The following CERKL variants were observed in gnomAD, a reference collection of about 807,000 sequenced individuals.
CERKL encodes ceramide kinase-like protein.
CERKL carries 61 observed loss-of-function variants against 63.4 expected under a neutral mutation model. The observed-to-expected ratio is 0.96, with a 90% CI of 0.78 to 1.19. The LOEUF is 1.19. Ranked by LOEUF, CERKL falls within the 50% of genes most tolerant of loss-of-function variation. The pLI is 0.00. For missense variants in CERKL, 675 were observed against 655.5 expected (o/e 1.03, Z -0.33); for synonymous variants, 250 against 230.5 (o/e 1.08, Z -0.77).
chr2:181,608,288 T>C (rs563301872), intron 1 of CERKL, among the ~76,000 whole-genome samples: 5 of 152,236 alleles, frequency 3.3e-5, no homozygotes, highest in African/African-American at 7.2e-5. Context: ...AGTCCCTTAT[T>C]ATATAGGTTG....
At chr2:181,608,511 G>C (rs1685817955) in intron 1 of CERKL, among the ~76,000 whole-genome samples, 1 of 152,100 alleles carries the variant, frequency 6.6e-6, no homozygotes, top group Admixed American at 6.5e-5. Context: ...ACTTTTCATT[G>C]AAGTCCTGTA....
At position 181,536,978 on chromosome 2, in the gene CERKL, A is replaced by C. The variant is rs1176412295; in HGVS notation, c.*1206T>G. ...CACTAGCCAGCCATCCTAATTGATG[A>C]AAGTTATCTGTTCACAGGCCTGCAG... On this transcript the variant is annotated 3_prime_UTR_variant, in exon 13 of 13. Coordinates refer to ENST00000410087, the MANE Select transcript of CERKL (RefSeq NM_201548.5). The C allele has an allele frequency of 2.2e-6, 1 of 452,342 alleles. No homozygotes were observed. Among genetic ancestry groups the C allele is most frequent in the East Asian group, 6.9e-5 (1 of 14,392 alleles). 28.0% of individuals were successfully genotyped at this position (452,342 alleles called of 1,614,324 possible). A position where few individuals can be genotyped will look rare whatever the true frequency, so the allele number is the denominator to read the frequency against.
chr2:181,561,926 G>C (rs542759048), intron 4 of CERKL, among the ~76,000 whole-genome samples: 2 of 152,166 alleles, frequency 1.3e-5, no homozygotes, highest in Admixed American at 6.5e-5. Flanking sequence ...TGATTCTCCT[G>C]CTTCAGCCTC....
At chr2:181,565,589 G>A in intron 4 of CERKL, 1 of 1,069,008 alleles carries the variant, frequency 9.4e-7, no homozygotes, top group Non-Finnish European at 1.4e-6. Flanking sequence ...TGGAAATAAT[G>A]TATTTATTTA....
At chr2:181,552,096 A>G (rs1206590837) in intron 5 of CERKL, among the ~76,000 whole-genome samples, 1 of 152,182 alleles carries the variant, frequency 6.6e-6, no homozygotes, top group Non-Finnish European at 1.5e-5. Context: ...TAGAATCTGA[A>G]AAACTTAAAC....
intron 1 of CERKL, among the ~76,000 whole-genome samples, chr2:181,604,665 G>GA (rs1685603942): frequency 1.3e-5 from 2 of 152,082 alleles, no homozygotes; most frequent in African/African-American, 4.8e-5. Context: ...TAAAGTAACA[G>GA]AAAAAATAGA....
chr2:181,603,436 A>AAGTCAG (rs1685538640), intron 2 of CERKL, among the ~76,000 whole-genome samples: 1 of 152,190 alleles, frequency 6.6e-6, no homozygotes, highest in Admixed American at 6.5e-5. Context: ...CCTGATGCCA[A>AAGTCAG]AGTCAGACAA....
intron 11 of CERKL, 102 bp from the exon 12 acceptor site, chr2:181,539,366 A>G (rs1687383557): frequency 1.3e-6 from 1 of 754,098 alleles, no homozygotes; most frequent in African/African-American, 1.8e-5. Context: ...ATCAGCATGT[A>G]TGCTGACATT....
At chr2:181,618,843 G>A (rs1205342817) in intron 1 of CERKL, among the ~76,000 whole-genome samples, 2 of 152,068 alleles carry the variant, frequency 1.3e-5, no homozygotes, top group East Asian at 3.8e-4. Context: ...AGGGTTCCAA[G>A]ACCAAAAAGC....
intron 1 of CERKL, among the ~76,000 whole-genome samples, chr2:181,616,761 G>C (rs1023717491): frequency 2.0e-5 from 3 of 151,970 alleles, no homozygotes; most frequent in Non-Finnish European, 2.9e-5. Context: ...AAATATCCTG[G>C]CTAGTTCTTA....
At chr2:181,653,565 G>A (rs1688024558) in intron 1 of CERKL, among the ~76,000 whole-genome samples, 1 of 152,158 alleles carries the variant, frequency 6.6e-6, no homozygotes, top group Non-Finnish European at 1.5e-5. Flanking sequence ...TGGAATACTA[G>A]TCAGCCATTA....
intron 1 of CERKL, 31 bp downstream of exon 1, chr2:181,656,738 G>A (rs1184087916): frequency 3.2e-6 from 5 of 1,544,346 alleles, no homozygotes; most frequent in East Asian, 2.4e-5. Context: ...AGCGCGGAGG[G>A]AGGCGAAGAC....
intron 1 of CERKL, among the ~76,000 whole-genome samples, chr2:181,651,556 C>T (rs966649834): frequency 2.6e-5 from 4 of 152,126 alleles, no homozygotes; most frequent in Admixed American, 2.0e-4. Flanking sequence ...CCACAGCTAA[C>T]ATCATACTGA....
intron 4 of CERKL, 93 bp downstream of exon 4, chr2:181,565,965 T>C: frequency 1.2e-6 from 1 of 843,684 alleles, no homozygotes; most frequent in Non-Finnish European, 2.0e-6. Context: ...TACAAATATT[T>C]TTAAATGTTA....
chr2:181,554,967 C>T (rs988000230), intron 5 of CERKL, among the ~76,000 whole-genome samples: 2 of 152,172 alleles, frequency 1.3e-5, no homozygotes, highest in Admixed American at 6.6e-5. Context: ...ATTTTGGCAG[C>T]ATACTGTGTC....
chr2:181,656,875 C>T lies in CERKL; in HGVS notation c.132G>A (p.Glu44=), dbSNP rs727503857. ...CGAAGATGCCCCGGAGCAGAATCCG[C>T]TCGGCCGCCGCCTCCGTCTGCTGCG... ...TSPQQTEAAA[E]RILLRGIFEI... The change falls in exon 1 of 13, where the codon GAG becomes GAA. Residue 44 remains glutamate (E), a synonymous_variant. Coordinates refer to ENST00000410087, the MANE Select transcript of CERKL (RefSeq NM_201548.5). 3.7e-6 allele frequency: 6 copies of T among 1,605,702 alleles called. No homozygotes were observed. The highest frequency in any genetic ancestry group is 5.1e-6 in the Non-Finnish European group (6 of 1,175,042).
intron 2 of CERKL, among the ~76,000 whole-genome samples, chr2:181,599,521 A>G (rs1207634242): frequency 7.1e-6 from 1 of 141,834 alleles, no homozygotes; most frequent in Non-Finnish European, 1.6e-5. Flanking sequence ...TAGGCAACAG[A>G]GTGAGACTCC....
chr2:181,593,366 G>T (rs993704943), intron 2 of CERKL, among the ~76,000 whole-genome samples: 1 of 152,094 alleles, frequency 6.6e-6, no homozygotes, highest in African/African-American at 2.4e-5. Flanking sequence ...ATTTCTGACA[G>T]ATTTACTAAT....
At chr2:181,580,747 T>C (rs151068022) in intron 2 of CERKL, among the ~76,000 whole-genome samples, 2 of 152,340 alleles carry the variant, frequency 1.3e-5, no homozygotes, top group East Asian at 3.9e-4. Context: ...GAATTTGGTA[T>C]CAATTTCATG....
Sources: allele counts gnomAD v4.1 joint callset (sites outside exome capture counted in the v4.1 genomes callset), GRCh38; gene constraint gnomAD v4.1.1; transcripts MANE v1.5; gene names NCBI Gene and HGNC (gene_info 2026-07-23, HGNC 2026-07-21).